The following IL1R1 variants were observed in gnomAD, a reference collection of about 807,000 sequenced individuals.
The protein encoded by IL1R1 is interleukin 1 receptor type 1, also known as interleukin-1 receptor type 1.
Under a neutral mutation model 50.2 loss-of-function variants are expected in IL1R1, and 22 were observed. That is an observed-to-expected ratio of 0.44 (90% CI 0.31 to 0.63). The LOEUF is 0.63. Ranked by LOEUF, IL1R1 falls within the 20% of genes least tolerant of loss-of-function variation. IL1R1 has a pLI of 0.07. For synonymous variants in IL1R1, 251 were observed against 236.7 expected, an observed-to-expected ratio of 1.06 and a Z score of -0.55; for missense variants, 509 against 676.2, an observed-to-expected ratio of 0.75 and a Z score of 2.74.
chr2:102,141,425 C>A (rs376162534), upstream of IL1R1, among the ~76,000 whole-genome samples: 105 of 152,324 alleles, frequency 6.9e-4, no homozygotes, highest in Non-Finnish European at 1.2e-3. Flanking sequence ...TTAAGGAATT[C>A]TCTTAATGCT....
At chr2:102,158,951 G>A (rs1055259125) in intron 3 of IL1R1, among the ~76,000 whole-genome samples, 10 of 152,190 alleles carry the variant, frequency 6.6e-5, no homozygotes, top group African/African-American at 2.4e-4. Context: ...GACAAATTTT[G>A]AAATATTTTG....
chr2:102,151,262 C>G (rs1268856166), intron 1 of IL1R1, among the ~76,000 whole-genome samples: 1 of 152,076 alleles, frequency 6.6e-6, no homozygotes, highest in Admixed American at 6.5e-5. Flanking sequence ...AGGATTCTAC[C>G]CTCTCTTATA....
intron 1 of IL1R1, among the ~76,000 whole-genome samples, chr2:102,110,784 G>A (rs1237132385): frequency 6.6e-6 from 1 of 152,034 alleles, no homozygotes; most frequent in Non-Finnish European, 1.5e-5. Flanking sequence ...GTCATGGGAT[G>A]GCACAGGGAT....
rs3732131 is a variant in IL1R1, at chr2:102,178,143, A to G, written c.*1384A>G. 0.12 allele frequency: 18,846 copies of G among 152,526 alleles called. 1,712 individuals are homozygous for G. Among genetic ancestry groups the G allele is most frequent in the Admixed American group, 0.26 (4,049 of 15,288 alleles). The allele number at this position is 152,526 out of a possible 1,614,324, so 9.4% of individuals were successfully genotyped here. Reference sequence around the variant, plus strand: ...CTTCTCGCATTTTCTCTAGCTGATCAGAATTTTACCAAAATTCAGAACATC... The same window carrying G: ...CTTCTCGCATTTTCTCTAGCTGATCGGAATTTTACCAAAATTCAGAACATC... On this transcript the variant is annotated 3_prime_UTR_variant, in exon 12 of 12. Transcript: ENST00000410023.
At chr2:102,109,106 G>A (rs1033022829) in intron 1 of IL1R1, among the ~76,000 whole-genome samples, 1 of 152,160 alleles carries the variant, frequency 6.6e-6, no homozygotes, top group African/African-American at 2.4e-5. Flanking sequence ...AGCACAGAGA[G>A]TGATTTGCTA....
At chr2:102,116,392 T>C (rs1681073092) in intron 1 of IL1R1, among the ~76,000 whole-genome samples, 1 of 152,230 alleles carries the variant, frequency 6.6e-6, no homozygotes, top group African/African-American at 2.4e-5. Flanking sequence ...CAAGTAAATA[T>C]GGCAACTGCT....
chr2:102,104,208 C>G (rs979981194), upstream of IL1R1, among the ~76,000 whole-genome samples: 1 of 152,056 alleles, frequency 6.6e-6, no homozygotes, highest in African/African-American at 2.4e-5. Context: ...GGGCCAGCAT[C>G]TGGGACACGA....
At chr2:102,078,240 GA>G (rs889608492) in intron 1 of IL1R1, among the ~76,000 whole-genome samples, 53 of 151,840 alleles carry the variant, frequency 3.5e-4, no homozygotes, top group Non-Finnish European at 6.5e-4. Flanking sequence ...ATGGGGAATA[GA>G]AAAAAATAGA....
chr2:102,108,184 G>A (rs1037799325), intron 1 of IL1R1, among the ~76,000 whole-genome samples: 4 of 151,374 alleles, frequency 2.6e-5, no homozygotes, highest in Admixed American at 6.6e-5. Flanking sequence ...AAATTTTGTC[G>A]TCTTCTAATT....
rs1038555221 is a variant in IL1R1, at chr2:102,178,430, A to G, written c.*1671A>G. Reference sequence around the variant, plus strand: ...AAACATTCCCCAATTATCTTATTTAATTTTTGCAATTATTCTAATTTTATA... The same window carrying G: ...AAACATTCCCCAATTATCTTATTTAGTTTTTGCAATTATTCTAATTTTATA... On this transcript the variant is annotated 3_prime_UTR_variant, in exon 12 of 12. Transcript: ENST00000410023. 1 of 152,096 alleles carries G rather than the reference A, an allele frequency of 6.6e-6. No individual in the cohort carries two copies. Among genetic ancestry groups the G allele is most frequent in the Non-Finnish European group, 1.5e-5 (1 of 68,006 alleles). The allele number at this position is 152,096 out of a possible 1,614,324, so 9.4% of individuals were successfully genotyped here. A position where few individuals can be genotyped will look rare whatever the true frequency, so the allele number is the denominator to read the frequency against.
intron 1 of IL1R1, among the ~76,000 whole-genome samples, chr2:102,096,874 T>A (rs929341413): frequency 2.9e-5 from 3 of 105,062 alleles, no homozygotes; most frequent in Admixed American, 1.0e-4. Context: ...CTGAAGTGGA[T>A]CTTTTTTTTT....
At chr2:102,112,248 G>A (rs1199056323) in intron 1 of IL1R1, among the ~76,000 whole-genome samples, 1 of 151,762 alleles carries the variant, frequency 6.6e-6, no homozygotes, top group Non-Finnish European at 1.5e-5. Flanking sequence ...AGACACTCAG[G>A]CCTATTTCGG....
chr2:102,125,405 G>T (rs1681653604), intron 1 of IL1R1, among the ~76,000 whole-genome samples: 1 of 152,178 alleles, frequency 6.6e-6, no homozygotes, highest in Non-Finnish European at 1.5e-5. Context: ...CTTGGTCGTA[G>T]CTCTTGATAA....
intron 5 of IL1R1, among the ~76,000 whole-genome samples, 194 bp from the exon 6 acceptor site, chr2:102,165,919 A>G (rs1685143928): frequency 6.6e-6 from 1 of 152,194 alleles, no homozygotes; most frequent in Non-Finnish European, 1.5e-5. Flanking sequence ...AGACTTGAAA[A>G]CTTAATGTCA....
upstream of IL1R1, among the ~76,000 whole-genome samples, chr2:102,100,346 A>G (rs570371297): frequency 2.0e-4 from 31 of 152,312 alleles, no homozygotes; most frequent in African/African-American, 6.7e-4. Flanking sequence ...AGGAGAGGTC[A>G]GCTCCACACC....
chr2:102,093,094 T>G (rs1386767687), intron 1 of IL1R1, among the ~76,000 whole-genome samples: 1 of 152,186 alleles, frequency 6.6e-6, no homozygotes, highest in Non-Finnish European at 1.5e-5. Flanking sequence ...AAGAAAATAA[T>G]AGTTGCCTTA....
chr2:102,135,734 AC>A (rs1370947735), intron 1 of IL1R1, among the ~76,000 whole-genome samples: 1 of 152,106 alleles, frequency 6.6e-6, no homozygotes, highest in African/African-American at 2.4e-5. Context: ...AATTATCTAA[AC>A]CTTAAGCAGC....
chr2:102,091,223 G>C (rs1283762937), intron 1 of IL1R1, among the ~76,000 whole-genome samples: 1 of 152,188 alleles, frequency 6.6e-6, no homozygotes, highest in Admixed American at 6.5e-5. Flanking sequence ...ATGTGCTTGA[G>C]GCAGGGCTTC....
chr2:102,141,341 C>T (rs184084150), upstream of IL1R1, among the ~76,000 whole-genome samples: 13 of 152,344 alleles, frequency 8.5e-5, no homozygotes, highest in African/African-American at 2.9e-4. Context: ...AGTGTCATGT[C>T]CTCCGGTGAT....
Sources: allele counts gnomAD v4.1 joint callset (sites outside exome capture counted in the v4.1 genomes callset), GRCh38; gene constraint gnomAD v4.1.1; transcripts MANE v1.5; gene names NCBI Gene and HGNC (gene_info 2026-07-23, HGNC 2026-07-21).